EPHX4: variants seen among roughly 807,000 people sequenced by gnomAD.
EPHX4 encodes the protein abhydrolase domain containing 7.
EPHX4 carries 31 observed loss-of-function variants against 44.9 expected under a neutral mutation model. The observed-to-expected ratio is 0.69, with a 90% CI of 0.52 to 0.93. The LOEUF (loss-of-function observed/expected upper bound fraction) is 0.93, where lower values mean the gene tolerates loss of function less well. Among genes scored for constraint, EPHX4 ranks in the 40% least tolerant of loss-of-function variants. EPHX4 has a pLI of 0.00. For missense variants in EPHX4, 373 were observed against 438.1 expected, an observed-to-expected ratio of 0.85 and a Z score of 1.33; for synonymous variants, 151 against 159.7, an observed-to-expected ratio of 0.95 and a Z score of 0.41.
At chr1:92,031,129 T>A (rs959528992) in intron 1 of EPHX4, among the ~76,000 whole-genome samples, 1 of 152,146 alleles carries the variant, frequency 6.6e-6, no homozygotes, top group Non-Finnish European at 1.5e-5. Flanking sequence ...GCCCCGCAGC[T>A]GAAGTTCAGA....
chr1:92,040,176 A>ATTTTTTTTTTTT (rs10646888), intron 2 of EPHX4, among the ~76,000 whole-genome samples: 1 of 112,152 alleles, frequency 8.9e-6, no homozygotes, highest in African/African-American at 3.4e-5. Flanking sequence ...TGTTACAATG[A>ATTTTTTTTTTTT]TTTTTTTTTT....
intron 4 of EPHX4, among the ~76,000 whole-genome samples, chr1:92,047,143 G>A (rs1688594086): frequency 6.6e-6 from 1 of 152,218 alleles, no homozygotes; most frequent in Non-Finnish European, 1.5e-5. Context: ...TGACATGATA[G>A]GCTCACTTTG....
intron 6 of EPHX4, among the ~76,000 whole-genome samples, chr1:92,062,754 T>A (rs1647526358): frequency 6.6e-6 from 1 of 152,194 alleles, no homozygotes; most frequent in Non-Finnish European, 1.5e-5. Context: ...TGTTGATTAC[T>A]TAATGCATTG....
chr1:92,030,381 T>G lies in EPHX4; in HGVS notation c.231+71T>G, dbSNP rs999332119. On this transcript the variant is annotated intron_variant, in intron 1 of 6. Transcript: ENST00000370383. ...GCCGCGAGGGTGGGGGGCTCCGGGCTTCTCCTTCCGAGACGCTGGCTCAGC... is the reference window on the plus strand; with the variant it reads ...GCCGCGAGGGTGGGGGGCTCCGGGCGTCTCCTTCCGAGACGCTGGCTCAGC... The G allele has an allele frequency of 1.8e-5, 25 of 1,356,058 alleles. No homozygotes were observed. In the African/African-American group the frequency reaches 3.1e-4, roughly 17 times the overall value. 84.0% of individuals were successfully genotyped at this position (1,356,058 alleles called of 1,614,324 possible). A position where few individuals can be genotyped will look rare whatever the true frequency, so the allele number is the denominator to read the frequency against.
At chr1:92,044,718 T>A (rs1486796696) in intron 3 of EPHX4, among the ~76,000 whole-genome samples, 2 of 152,166 alleles carry the variant, frequency 1.3e-5, no homozygotes, top group African/African-American at 2.4e-5. Context: ...ATTTGTGAAG[T>A]TAGGGAAGAG....
chr1:92,045,412 T>G, intron 3 of EPHX4, 120 bp from the exon 4 acceptor site: 1 of 1,258,042 alleles, frequency 7.9e-7, no homozygotes, highest in East Asian at 2.4e-5. Context: ...CTGCACAAAG[T>G]GCATAATTAG....
At chr1:92,045,456 T>A in intron 3 of EPHX4, 76 bp from the exon 4 acceptor site, 1 of 1,535,866 alleles carries the variant, frequency 6.5e-7, no homozygotes. Flanking sequence ...TTCAGAAGTA[T>A]AACTATTTTA....
chr1:92,030,492 G>GTGTGTGTGTGTGTGTGTGTGTGTGT (rs1557880299), intron 1 of EPHX4, among the ~76,000 whole-genome samples, 182 bp downstream of exon 1: 3 of 96,964 alleles, frequency 3.1e-5, no homozygotes, highest in African/African-American at 9.8e-5. Context: ...GTGTGAGAGA[G>GTGTGTGTGTGTGTGTGTGTGTGTGT]AGAGAGAGAG....
intron 5 of EPHX4, among the ~76,000 whole-genome samples, chr1:92,051,070 C>T (rs1647239830): frequency 6.6e-6 from 1 of 152,104 alleles, no homozygotes; most frequent in African/African-American, 2.4e-5. Flanking sequence ...TGGCCTCAAG[C>T]AATCCTCCCA....
intron 6 of EPHX4, 62 bp from the exon 7 acceptor site, chr1:92,062,993 A>G (rs1487736853): frequency 7.0e-7 from 1 of 1,430,994 alleles, no homozygotes. Flanking sequence ...CTGGGGCACT[A>G]TAGGAAAATG....
At chr1:92,043,048 C>A (rs1557883146) in intron 3 of EPHX4, 68 bp downstream of exon 3, 1 of 1,296,928 alleles carries the variant, frequency 7.7e-7, no homozygotes, top group African/African-American at 1.5e-5. Context: ...GAATCAATGA[C>A]TTCTTTTCTT....
chr1:92,061,211 T>C (rs1395422689), intron 6 of EPHX4, among the ~76,000 whole-genome samples: 1 of 152,168 alleles, frequency 6.6e-6, no homozygotes, highest in African/African-American at 2.4e-5. Context: ...TTAGTAAGTA[T>C]AAAATACACT....
intron 2 of EPHX4, among the ~76,000 whole-genome samples, chr1:92,037,732 C>A (rs1688460821): frequency 6.6e-6 from 1 of 152,158 alleles, no homozygotes; most frequent in African/African-American, 2.4e-5. Flanking sequence ...CAGGAGCCCT[C>A]CTAGGTGAAG....
At chr1:92,045,239 G>T (rs1688566601) in intron 3 of EPHX4, among the ~76,000 whole-genome samples, 1 of 151,978 alleles carries the variant, frequency 6.6e-6, no homozygotes, top group South Asian at 2.1e-4. Context: ...TCCTGCTTTG[G>T]CCTCACAAGT....
rs373190215 is a variant in EPHX4, at chr1:92,063,361, T to C, written c.*75T>C. ...TTTAAAAATTGTTCATCAACTTCTTTATGTTTTATTAGAAAAAAACTGTTT... is the reference window on the plus strand; with the variant it reads ...TTTAAAAATTGTTCATCAACTTCTTCATGTTTTATTAGAAAAAAACTGTTT... On this transcript the variant is annotated 3_prime_UTR_variant, in exon 7 of 7. Transcript: ENST00000370383. The C allele has an allele frequency of 3.5e-6, 4 of 1,128,546 alleles. No individual in the cohort carries two copies. The highest frequency in any genetic ancestry group is 3.0e-4 in the Middle Eastern group (1 of 3,300). 69.9% of individuals were successfully genotyped at this position (1,128,546 alleles called of 1,614,324 possible).
At chr1:92,036,598 G>A (rs1688441279) in intron 2 of EPHX4, among the ~76,000 whole-genome samples, 1 of 152,180 alleles carries the variant, frequency 6.6e-6, no homozygotes, top group South Asian at 2.1e-4. Context: ...TAAGAAATAT[G>A]TGAAGATCAT....
intron 5 of EPHX4, among the ~76,000 whole-genome samples, chr1:92,051,954 C>T (rs988164506): frequency 3.3e-5 from 5 of 152,142 alleles, no homozygotes; most frequent in African/African-American, 1.2e-4. Flanking sequence ...ACAAGAATGG[C>T]AGGATATATG....
chr1:92,035,802 C>T (rs542742818), intron 2 of EPHX4, among the ~76,000 whole-genome samples: 1 of 152,178 alleles, frequency 6.6e-6, no homozygotes, highest in South Asian at 2.1e-4. Flanking sequence ...GTGTTGTTCC[C>T]CTCCCAAGCC....
intron 2 of EPHX4, among the ~76,000 whole-genome samples, chr1:92,035,016 G>C (rs1688416167): frequency 6.6e-6 from 1 of 152,108 alleles, no homozygotes; most frequent in African/African-American, 2.4e-5. Context: ...TGTACTAGGA[G>C]GTATTAGGCA....
Sources: allele counts gnomAD v4.1 joint callset (sites outside exome capture counted in the v4.1 genomes callset), GRCh38; gene constraint gnomAD v4.1.1; transcripts MANE v1.5; gene names NCBI Gene and HGNC (gene_info 2026-07-23, HGNC 2026-07-21).